The following SLC43A2 variants were observed in gnomAD, a reference collection of about 807,000 sequenced individuals.
SLC43A2 encodes the protein large neutral amino acids transporter small subunit 4.
Under a neutral mutation model 63.2 loss-of-function variants are expected in SLC43A2, and 38 were observed. The ratio of observed to expected loss-of-function variants is 0.60; its 90% CI spans 0.46 to 0.79. The LOEUF (loss-of-function observed/expected upper bound fraction) is 0.79. Ranked by LOEUF, SLC43A2 falls within the 30% of genes least tolerant of loss-of-function variation. The pLI is 0.00. For missense variants in SLC43A2, 644 were observed against 756.2 expected, an observed-to-expected ratio of 0.85 and a Z score of 1.74; for synonymous variants, 322 against 331.0, an observed-to-expected ratio of 0.97 and a Z score of 0.30.
At chr17:1,601,877 C>T (rs565278964) in intron 5 of SLC43A2, among the ~76,000 whole-genome samples, 28 of 146,986 alleles carry the variant, frequency 1.9e-4, no homozygotes, top group Non-Finnish European at 3.6e-4. Context: ...AAGGTCCAAA[C>T]TGATGCAAAG....
chr17:1,579,617 C>A, intron 11 of SLC43A2, among the ~76,000 whole-genome samples: 1 of 152,054 alleles, frequency 6.6e-6, no homozygotes, highest in Non-Finnish European at 1.5e-5. Context: ...GGGAGGATCA[C>A]TTGAGCCCAG....
Position 1,571,921 on chromosome 17 carries a change from A to T in SLC43A2, c.*3683T>A, listed in dbSNP as rs72820313. 1 of 152,460 alleles carries T rather than the reference A, an allele frequency of 6.6e-6. No individual in the cohort carries two copies. The highest frequency in any genetic ancestry group is 2.4e-5 in the African/African-American group (1 of 41,402). 9.4% of individuals were successfully genotyped at this position (152,460 alleles called of 1,614,324 possible). ...CGGCAGCAGACCCAGACCCAGACTC[A>T]GACCCAAGCCCCCCTCCTCACTGAT... On this transcript the variant is annotated 3_prime_UTR_variant, in exon 14 of 14. Coordinates refer to ENST00000301335, the MANE Select transcript of SLC43A2 (RefSeq NM_152346.3). The surrounding 1 kb of genome is among the most constrained non-coding windows in gnomAD (Gnocchi z 5.2).
At chr17:1,616,043 GAAAA>G (rs77735350) in intron 3 of SLC43A2, among the ~76,000 whole-genome samples, 2 of 70,110 alleles carry the variant, frequency 2.9e-5, no homozygotes, top group African/African-American at 5.2e-5. Context: ...ACTCCGTCTT[GAAAA>G]AAAAAAAAAA....
Position 1,613,226 on chromosome 17 carries a change from C to G in SLC43A2, c.470G>C (p.Gly157Ala), listed in dbSNP as rs1242887242. The change falls in exon 5 of 14, where the codon GGT (glycine) becomes GCT (alanine). Residue 157 changes from glycine (G) to alanine (A), a missense_variant. Physicochemically the swap from Gly to Ala is moderately conservative, Grantham distance 60. This residue lies in a region of SLC43A2 where 528 missense variants were observed against 623.6 expected (regional missense o/e 0.85). Transcript: ENST00000301335. Reference sequence around the variant, plus strand: ...TGAGGTGAAGGTCATACACATCCCACCAAAGCCATTCAGAGCCAGGGCGAT... The same window carrying G: ...TGAGGTGAAGGTCATACACATCCCAGCAAAGCCATTCAGAGCCAGGGCGAT... The part of the protein sequence containing the change: ...IFIALALNGF[G>A]GMCMTFTSLT... The G allele has an allele frequency of 6.2e-7, 1 of 1,614,128 alleles. No individual in the cohort carries two copies. The highest frequency in any genetic ancestry group is 1.1e-5 in the South Asian group (1 of 91,074).
chr17:1,622,236 T>C (rs1467059223), intron 2 of SLC43A2, among the ~76,000 whole-genome samples: 2 of 152,226 alleles, frequency 1.3e-5, no homozygotes, highest in African/African-American at 4.8e-5. Flanking sequence ...TTAAAAGTCA[T>C]ATTTATAGCA....
Position 1,585,587 on chromosome 17 carries a change from C to T in SLC43A2, c.1217+326G>A, listed in dbSNP as rs535095504. 24 of 1,023,314 alleles carry T rather than the reference C, an allele frequency of 2.3e-5. No individual in the cohort carries two copies. In the East Asian group the frequency reaches 1.2e-3, roughly 51 times the overall value. 63.4% of individuals were successfully genotyped at this position (1,023,314 alleles called of 1,614,324 possible). A position where few individuals can be genotyped will look rare whatever the true frequency, so the allele number is the denominator to read the frequency against. ...GTAGAGACGGGGAGTGGGGGCTGGC[C>T]ATGTTTCCCAGGCTGGTCTCCAACT... On this transcript the variant is annotated intron_variant, in intron 10 of 13. Coordinates refer to ENST00000301335, the MANE Select transcript of SLC43A2 (RefSeq NM_152346.3).
At chr17:1,617,036 A>G (rs1470743546) in intron 2 of SLC43A2, among the ~76,000 whole-genome samples, 1 of 152,334 alleles carries the variant, frequency 6.6e-6, no homozygotes, top group Non-Finnish European at 1.5e-5. Context: ...AATGCACACC[A>G]AGGTTTATCC....
intron 12 of SLC43A2, 120 bp from the exon 13 acceptor site, chr17:1,576,840 A>T: frequency 2.3e-4 from 241 of 1,059,966 alleles, no homozygotes; most frequent in Non-Finnish European, 2.9e-4. Flanking sequence ...CAGCCCTCGG[A>T]TTCCTTCCTG....
At chr17:1,614,909 T>C (rs1054635841) in intron 4 of SLC43A2, 70 bp downstream of exon 4, 15 of 1,515,986 alleles carry the variant, frequency 9.9e-6, no homozygotes, top group Non-Finnish European at 1.4e-5. Flanking sequence ...CAAGAGCAGG[T>C]GGGCCTGGGA....
intron 1 of SLC43A2, chr17:1,628,437 G>T (rs1413124081): frequency 1.3e-5 from 2 of 151,436 alleles, no homozygotes; most frequent in African/African-American, 4.9e-5. Flanking sequence ...CCGCCCCGGC[G>T]CGCTCATTGG....
At chr17:1,601,858 G>A (rs1012727741) in intron 5 of SLC43A2, among the ~76,000 whole-genome samples, 7 of 143,976 alleles carry the variant, frequency 4.9e-5, no homozygotes, top group African/African-American at 1.6e-4. Context: ...CTTCTGCACC[G>A]CCCTCCCGAA....
intron 3 of SLC43A2, 37 bp downstream of exon 3, chr17:1,616,525 C>T (rs1907679484): frequency 6.4e-7 from 1 of 1,569,164 alleles, no homozygotes; most frequent in Non-Finnish European, 8.7e-7. Context: ...GGGGGTCCAC[C>T]TGCCCACTCC....
At chr17:1,616,878 G>T in intron 2 of SLC43A2, 109 bp from the exon 3 acceptor site, 4 of 1,304,672 alleles carry the variant, frequency 3.1e-6, no homozygotes, top group Non-Finnish European at 4.2e-6. Flanking sequence ...TGCCAGGGCT[G>T]GCTGGCGGCC....
chr17:1,594,111 C>T (rs1905061198), intron 5 of SLC43A2, among the ~76,000 whole-genome samples: 1 of 152,160 alleles, frequency 6.6e-6, no homozygotes, highest in Admixed American at 6.5e-5. Context: ...AGGCGTGAGC[C>T]ACCGCGCCCG....
chr17:1,601,510 A>C (rs755331341), intron 5 of SLC43A2, among the ~76,000 whole-genome samples: 6 of 152,106 alleles, frequency 3.9e-5, no homozygotes, highest in Non-Finnish European at 8.8e-5. Context: ...AAACTGATGC[A>C]AAGGCGCTAC....
intron 2 of SLC43A2, among the ~76,000 whole-genome samples, chr17:1,623,754 A>G (rs1435761433): frequency 1.1e-5 from 1 of 87,024 alleles, no homozygotes; most frequent in African/African-American, 4.6e-5. Flanking sequence ...TCCAGGCTGT[A>G]CCCTCCTCTC....
At chr17:1,589,770 C>T (rs1030138688) in intron 9 of SLC43A2, among the ~76,000 whole-genome samples, 1 of 152,156 alleles carries the variant, frequency 6.6e-6, no homozygotes, top group Non-Finnish European at 1.5e-5. Flanking sequence ...AGGGGCCCAC[C>T]ACCACGCCTG....
intron 6 of SLC43A2, among the ~76,000 whole-genome samples, chr17:1,592,539 C>T (rs1215720795): frequency 1.3e-5 from 2 of 152,198 alleles, no homozygotes; most frequent in African/African-American, 4.8e-5. Context: ...CCCACCACTT[C>T]AATGCCCAGG....
intron 13 of SLC43A2, 97 bp from the exon 14 acceptor site, chr17:1,575,862 C>A: frequency 1.5e-6 from 2 of 1,367,932 alleles, no homozygotes; most frequent in Non-Finnish European, 2.0e-6. Context: ...GAGAAGGTCA[C>A]GGGGTGGAAG....
Sources: allele counts gnomAD v4.1 joint callset (sites outside exome capture counted in the v4.1 genomes callset), GRCh38; gene constraint gnomAD v4.1.1; regional missense constraint gnomAD v4.1.1; non-coding constraint Gnocchi (gnomAD v3.1); transcripts MANE v1.5; gene names NCBI Gene and HGNC (gene_info 2026-07-23, HGNC 2026-07-21).